PDE1C: variants seen among roughly 807,000 people sequenced by gnomAD.
PDE1C encodes dual specificity calcium/calmodulin-dependent 3',5'-cyclic nucleotide phosphodiesterase 1C.
In PDE1C, 62 loss-of-function variants were observed where a neutral mutation model predicts 93.1. The observed-to-expected ratio is 0.67, with a 90% CI of 0.54 to 0.82. The LOEUF (loss-of-function observed/expected upper bound fraction) is 0.82. Ranked by LOEUF, PDE1C falls within the 40% of genes least tolerant of loss-of-function variation. The pLI, the probability that PDE1C is intolerant of heterozygous loss-of-function variation, is 0.00. For missense variants in PDE1C, 742 were observed against 884.6 expected, an observed-to-expected ratio of 0.84 and a Z score of 2.04; for synonymous variants, 325 against 310.1, an observed-to-expected ratio of 1.05 and a Z score of -0.50.
At chr7:32,395,904 G>A (rs1784832475) in intron 1 of PDE1C, among the ~76,000 whole-genome samples, 1 of 152,028 alleles carries the variant, frequency 6.6e-6, no homozygotes. Flanking sequence ...TTTTCTTCTT[G>A]CCTTCAAATT....
chr7:31,618,910 G>A, the PDE1C span, among the ~76,000 whole-genome samples: 1 of 152,152 alleles, frequency 6.6e-6, no homozygotes, highest in East Asian at 1.9e-4. Context: ...AGAAGCCAAA[G>A]TGGATAAAAT....
intron 2 of PDE1C, among the ~76,000 whole-genome samples, chr7:32,033,423 T>C (rs1790601692): frequency 1.3e-5 from 2 of 152,126 alleles, no homozygotes; most frequent in South Asian, 2.1e-4. Context: ...GGAGCGCAAT[T>C]CCCTTTGTTA....
At chr7:31,690,524 T>C in the PDE1C span, among the ~76,000 whole-genome samples, 1 of 152,210 alleles carries the variant, frequency 6.6e-6, no homozygotes, top group African/African-American at 2.4e-5. Context: ...TCTATTACAT[T>C]GGGCCCCATT....
At chr7:32,410,530 C>G (rs1043131101) in intron 1 of PDE1C, among the ~76,000 whole-genome samples, 2 of 152,102 alleles carry the variant, frequency 1.3e-5, no homozygotes, top group African/African-American at 4.8e-5. Flanking sequence ...ATGGAACAGA[C>G]AGGTGGTCTG....
At chr7:31,761,098 T>TATTATCACTCCCTC (rs1562751780) in intron 17 of PDE1C, among the ~76,000 whole-genome samples, 44 of 151,636 alleles carry the variant, frequency 2.9e-4, no homozygotes, top group African/African-American at 1.0e-3. Flanking sequence ...TGGGCATGTA[T>TATTATCACTCCCTC]TTTGGCTAAA....
At chr7:32,113,940 T>G (rs533839413) in intron 3 of PDE1C, among the ~76,000 whole-genome samples, 2 of 152,238 alleles carry the variant, frequency 1.3e-5, no homozygotes, top group East Asian at 3.9e-4. Flanking sequence ...GAAGGAATTC[T>G]TCAAGGAGAA....
At chr7:32,119,406 G>C (rs894914270) in intron 3 of PDE1C, among the ~76,000 whole-genome samples, 1 of 152,174 alleles carries the variant, frequency 6.6e-6, no homozygotes, top group South Asian at 2.1e-4. Context: ...AAATGTCCTA[G>C]TTTCCATAAT....
chr7:32,149,339 AAC>A (rs1801097573), intron 3 of PDE1C, among the ~76,000 whole-genome samples: 1 of 152,230 alleles, frequency 6.6e-6, no homozygotes, highest in African/African-American at 2.4e-5. Flanking sequence ...GGAGGGTTGG[AAC>A]AGTGTCTGAA....
At chr7:32,354,648 T>C (rs1783997118) in intron 1 of PDE1C, among the ~76,000 whole-genome samples, 1 of 151,972 alleles carries the variant, frequency 6.6e-6, no homozygotes, top group Admixed American at 6.5e-5. Context: ...AGCTCATGAG[T>C]TTGGGAGGGC....
intron 15 of PDE1C, among the ~76,000 whole-genome samples, chr7:31,813,628 A>G (rs12701136): frequency 0.13 from 20,330 of 152,088 alleles, 1,689 homozygotes; most frequent in Middle Eastern, 0.22. Flanking sequence ...GTTTTAAAAA[A>G]TTTTTGTATG....
chr7:31,659,212 A>G, the PDE1C span, among the ~76,000 whole-genome samples: 2 of 152,220 alleles, frequency 1.3e-5, no homozygotes, highest in Non-Finnish European at 2.9e-5. Flanking sequence ...TCTTCTATGG[A>G]CATGGATAGG....
At chr7:31,897,623 T>C (rs1369313306) in intron 2 of PDE1C, among the ~76,000 whole-genome samples, 1 of 152,180 alleles carries the variant, frequency 6.6e-6, no homozygotes, top group Non-Finnish European at 1.5e-5. Flanking sequence ...TGAATACTAC[T>C]TTTCTCTAAT....
chr7:31,655,620 C>T, the PDE1C span, among the ~76,000 whole-genome samples: 1 of 152,178 alleles, frequency 6.6e-6, no homozygotes, highest in Non-Finnish European at 1.5e-5. Context: ...AGTTATTATG[C>T]GCCTCTCGTC....
intron 1 of PDE1C, among the ~76,000 whole-genome samples, chr7:32,333,392 A>G (rs1452973096): frequency 6.6e-6 from 1 of 152,166 alleles, no homozygotes; most frequent in Non-Finnish European, 1.5e-5. Context: ...CATGAGCCCC[A>G]AGGATATGTA....
At chr7:32,212,220 A>G (rs1806099644) in intron 1 of PDE1C, among the ~76,000 whole-genome samples, 1 of 152,142 alleles carries the variant, frequency 6.6e-6, no homozygotes, top group Non-Finnish European at 1.5e-5. Context: ...GAGTGTGCAC[A>G]TTCCTCCAAG....
At chr7:32,384,072 A>G (rs537377398) in intron 1 of PDE1C, among the ~76,000 whole-genome samples, 2 of 152,226 alleles carry the variant, frequency 1.3e-5, no homozygotes, top group Non-Finnish European at 2.9e-5. Flanking sequence ...TCAGAAGCCA[A>G]AAAGAGCCCT....
the PDE1C span, among the ~76,000 whole-genome samples, chr7:31,676,748 T>C: frequency 0.022 from 3,333 of 152,062 alleles, 125 homozygotes; most frequent in African/African-American, 0.076. Flanking sequence ...AATTAGTAGA[T>C]AAACACAAAA....
chr7:31,786,684 G>T (rs1783976137), intron 16 of PDE1C: 1 of 152,152 alleles, frequency 6.6e-6, no homozygotes, highest in Non-Finnish European at 1.5e-5. Context: ...GAAAAAAATT[G>T]TTGCCTGAAT....
At chr7:31,935,215 C>T (rs989945504) in intron 2 of PDE1C, among the ~76,000 whole-genome samples, 28 of 152,220 alleles carry the variant, frequency 1.8e-4, no homozygotes, top group Middle Eastern at 3.4e-3. Context: ...TAGATGAAAA[C>T]GATAAAAACT....
Sources: gnomAD v4.1 joint callset for allele counts (sites outside exome capture counted in the v4.1 genomes callset) on GRCh38, gnomAD v4.1.1 for gene constraint, MANE v1.5 for transcripts, NCBI Gene and HGNC (gene_info 2026-07-23, HGNC 2026-07-21) for gene names.